CLEC16A: variants seen among roughly 807,000 people sequenced by gnomAD.
CLEC16A encodes the protein C-type lectin domain containing 16A, also known as protein CLEC16A.
In CLEC16A, 51 loss-of-function variants were observed where a neutral mutation model predicts 109.5. That is an observed-to-expected ratio of 0.47 (90% confidence interval 0.37 to 0.59). CLEC16A has a LOEUF of 0.59. Among genes scored for constraint, CLEC16A ranks in the 20% least tolerant of loss-of-function variants. CLEC16A has a pLI of 0.00. For missense variants in CLEC16A, 1,339 were observed against 1,394.0 expected (o/e 0.96, Z 0.63); for synonymous variants, 673 against 564.2 (o/e 1.19, Z -2.73).
intron 21 of CLEC16A, among the ~76,000 whole-genome samples, 191 bp from the exon 22 acceptor site, chr16:11,125,788 C>T (rs1166017505): frequency 6.6e-6 from 1 of 152,176 alleles, no homozygotes; most frequent in Non-Finnish European, 1.5e-5. Flanking sequence ...TCCGCTTGTG[C>T]GTTGAGCCTC....
chr16:11,051,521 C>T lies in CLEC16A; in HGVS notation c.1875C>T (p.Pro625=), dbSNP rs2047939514. The T allele has an allele frequency of 6.2e-7, 1 of 1,613,604 alleles. No individual in the cohort carries two copies. The change falls in exon 18 of 24, where the codon CCC becomes CCT. Residue 625 remains proline (P), a synonymous_variant. Coordinates refer to ENST00000409790, the MANE Select transcript of CLEC16A (RefSeq NM_015226.3). ...EDEYRSMTMK[P]MNVEYLMMDA... ...TGTAATGTCTCTTCTAGATGAAGCC[C>T]ATGAACGTGGAATATCTCATGATGG... is the stretch of plus-strand genomic sequence containing the variant.
At chr16:11,010,764 G>A (rs539348620) in intron 11 of CLEC16A, among the ~76,000 whole-genome samples, 161 of 152,296 alleles carry the variant, frequency 1.1e-3, no homozygotes, top group African/African-American at 3.6e-3. Context: ...ATCCAGAGGC[G>A]GGTGGTGCCT....
intron 10 of CLEC16A, among the ~76,000 whole-genome samples, chr16:10,998,643 C>A (rs1308057192): frequency 6.6e-6 from 1 of 152,100 alleles, no homozygotes. Flanking sequence ...CTTTTTTTCC[C>A]CTTCTTTCCC....
intron 23 of CLEC16A, among the ~76,000 whole-genome samples, chr16:11,167,905 C>T (rs949050678): frequency 1.4e-4 from 22 of 152,326 alleles, no homozygotes; most frequent in Non-Finnish European, 2.9e-4. Context: ...CTCAGTAGCC[C>T]TCTTGATCCC....
intron 19 of CLEC16A, among the ~76,000 whole-genome samples, chr16:11,097,733 C>G (rs1006987783): frequency 7.9e-5 from 12 of 152,176 alleles, no homozygotes; most frequent in Non-Finnish European, 1.6e-4. Flanking sequence ...TATGAATGGC[C>G]TGAAACGTCT....
intron 19 of CLEC16A, among the ~76,000 whole-genome samples, chr16:11,107,249 T>C (rs2051279931): frequency 6.6e-6 from 1 of 151,876 alleles, no homozygotes; most frequent in Non-Finnish European, 1.5e-5. Flanking sequence ...CCAGTACATT[T>C]TTTTTTTTCC....
At chr16:10,955,972 G>C (rs1244429112) in intron 1 of CLEC16A, among the ~76,000 whole-genome samples, 1 of 152,222 alleles carries the variant, frequency 6.6e-6, no homozygotes, top group East Asian at 1.9e-4. Flanking sequence ...ACTGCAGTTT[G>C]GAAAACTCTG....
intron 3 of CLEC16A, 122 bp from the exon 4 acceptor site, chr16:10,969,039 G>A: frequency 1.4e-6 from 1 of 737,216 alleles, no homozygotes; most frequent in African/African-American, 1.8e-5. Context: ...CAGTTAGTGT[G>A]TTTAATCCCA....
intron 11 of CLEC16A, among the ~76,000 whole-genome samples, chr16:11,007,120 A>G (rs2045071364): frequency 1.3e-5 from 2 of 152,116 alleles, no homozygotes; most frequent in South Asian, 4.1e-4. Context: ...AATCCTTCAA[A>G]CTCCTCATGT....
intron 23 of CLEC16A, among the ~76,000 whole-genome samples, chr16:11,169,981 C>A (rs1464838402): frequency 6.6e-6 from 1 of 152,162 alleles, no homozygotes; most frequent in African/African-American, 2.4e-5. Flanking sequence ...ACACAGGGGC[C>A]CAGAAAGGCT....
At chr16:11,094,404 A>G (rs1323488595) in intron 19 of CLEC16A, among the ~76,000 whole-genome samples, 1 of 152,190 alleles carries the variant, frequency 6.6e-6, no homozygotes, top group Non-Finnish European at 1.5e-5. Context: ...GGCTTCATCT[A>G]CAGATGTGAG....
chr16:10,962,658 T>C, intron 3 of CLEC16A, 70 bp downstream of exon 3: 1 of 1,548,874 alleles, frequency 6.5e-7, no homozygotes, highest in Non-Finnish European at 8.9e-7. Flanking sequence ...GGCGTGGTTT[T>C]CTGTGTCTGC....
At chr16:11,170,273 C>T (rs909356936) in intron 23 of CLEC16A, among the ~76,000 whole-genome samples, 1 of 152,318 alleles carries the variant, frequency 6.6e-6, no homozygotes, top group Admixed American at 6.5e-5. Context: ...ACAACCCCAG[C>T]CAGCAGAAGG....
chr16:11,051,537 C>G lies in CLEC16A; in HGVS notation c.1891C>G (p.Leu631Val), dbSNP rs747449372. ...MTMKPMNVEY[L>V]MMDASILLPP... ...GATGAAGCCCATGAACGTGGAATAT[C>G]TCATGATGGACGCCTCCATCCTGCT... is the stretch of plus-strand genomic sequence containing the variant. The change falls in exon 18 of 24, where the codon CTC (leucine) becomes GTC (valine). Residue 631 changes from leucine to valine, a missense_variant. Around this residue, in one of 3 missense-constraint regions of CLEC16A, gnomAD observed 1,061 missense variants for 1,006.8 expected, o/e 1.05. Transcript: ENST00000409790. The G allele has an allele frequency of 6.2e-7, 1 of 1,614,004 alleles. No homozygotes were observed. The highest frequency in any genetic ancestry group is 1.1e-5 in the South Asian group (1 of 91,086).
intron 22 of CLEC16A, among the ~76,000 whole-genome samples, chr16:11,136,537 A>G (rs2053571870): frequency 6.6e-6 from 1 of 152,226 alleles, no homozygotes; most frequent in South Asian, 2.1e-4. Flanking sequence ...TTCCTTTTCT[A>G]CACATTAATC....
chr16:11,090,102 A>AATACGCTTGCTTATTTAGTTCT (rs2050221140), intron 19 of CLEC16A, among the ~76,000 whole-genome samples: 1 of 152,034 alleles, frequency 6.6e-6, no homozygotes, highest in Middle Eastern at 3.2e-3. Context: ...TTCTCCACCA[A>AATACGCTTGCTTATTTAGTTCT]ACACTCCATT....
intron 5 of CLEC16A, among the ~76,000 whole-genome samples, chr16:10,971,770 C>A (rs745670899): frequency 6.6e-6 from 1 of 152,192 alleles, no homozygotes; most frequent in Non-Finnish European, 1.5e-5. Flanking sequence ...CCCCACTCTC[C>A]GCTGCACTGA....
chr16:11,138,216 G>A (rs1176085516), intron 22 of CLEC16A, among the ~76,000 whole-genome samples: 3 of 152,244 alleles, frequency 2.0e-5, no homozygotes, highest in Non-Finnish European at 4.4e-5. Flanking sequence ...ACACTGCACA[G>A]GGCTTACAGA....
At chr16:10,955,021 G>C (rs746930789) in intron 1 of CLEC16A, among the ~76,000 whole-genome samples, 5 of 152,194 alleles carry the variant, frequency 3.3e-5, no homozygotes, top group Non-Finnish European at 5.9e-5. Flanking sequence ...TGCCTCTCTG[G>C]AACAACCCAG....
Sources: gnomAD v4.1 joint callset for allele counts (sites outside exome capture counted in the v4.1 genomes callset) on GRCh38, gnomAD v4.1.1 for gene constraint, gnomAD v4.1.1 regional missense constraint, MANE v1.5 for transcripts, NCBI Gene and HGNC (gene_info 2026-07-23, HGNC 2026-07-21) for gene names.